Variants in DIPK1A observed in about 807,000 individuals in gnomAD.
DIPK1A encodes the protein divergent protein kinase domain 1A, also known as family with sequence similarity 69 member A.
DIPK1A carries 27 observed loss-of-function variants against 40.8 expected under a neutral mutation model. The ratio of observed to expected loss-of-function variants is 0.66; its 90% CI spans 0.49 to 0.91. DIPK1A has a LOEUF of 0.91. Among genes scored for constraint, DIPK1A ranks in the 40% least tolerant of loss-of-function variants. The pLI, the probability that DIPK1A is intolerant of heterozygous loss-of-function variation, is 0.00. For synonymous variants in DIPK1A, 166 were observed against 171.3 expected, an observed-to-expected ratio of 0.97 and a Z score of 0.24; for missense variants, 412 against 505.7, an observed-to-expected ratio of 0.81 and a Z score of 1.78.
At chr1:92,841,956 T>TTA (rs1571041199), downstream of DIPK1A, 1 of 1,063,488 alleles carries the variant, frequency 9.4e-7, no homozygotes, top group Non-Finnish European at 1.4e-6. Context: ...CTTATGAACC[T>TTA]TATAGGAAAT....
At chr1:92,959,902 ACTTTTTTTTTT>A (rs1224268324) in intron 1 of DIPK1A, among the ~76,000 whole-genome samples, 3 of 43,104 alleles carry the variant, frequency 7.0e-5, no homozygotes, top group Admixed American at 5.3e-4. Context: ...CACCCAACCA[ACTTTTTTTTTT>A]TTTTTTTTTT....
intron 1 of DIPK1A, among the ~76,000 whole-genome samples, chr1:92,907,872 T>A (rs1649684277): frequency 1.3e-5 from 2 of 151,822 alleles, no homozygotes; most frequent in South Asian, 4.2e-4. Context: ...ATTTTAAAAA[T>A]ATATATTTTT....
At chr1:92,957,173 C>G (rs578085220) in intron 1 of DIPK1A, among the ~76,000 whole-genome samples, 1 of 152,254 alleles carries the variant, frequency 6.6e-6, no homozygotes, top group Admixed American at 6.5e-5. Flanking sequence ...TATGAGTAAA[C>G]CCTAAACAAA....
intron 1 of DIPK1A, among the ~76,000 whole-genome samples, chr1:92,898,734 T>A (rs1320207905): frequency 2.0e-5 from 3 of 152,056 alleles, no homozygotes; most frequent in Admixed American, 2.0e-4. Context: ...CCTTCTGCCT[T>A]GACTTCCCAA....
chr1:92,954,380 TTTTTTTTTTTG>T (rs974759727), intron 1 of DIPK1A, among the ~76,000 whole-genome samples: 1 of 9,054 alleles, frequency 1.1e-4, no homozygotes, highest in Admixed American at 1.2e-3. Context: ...CTTTTTTTTT[TTTTTTTTTTTG>T]TTTTGAGACA....
intron 1 of DIPK1A, among the ~76,000 whole-genome samples, chr1:92,941,361 T>C (rs1170721176): frequency 1.3e-5 from 2 of 152,366 alleles, no homozygotes; most frequent in Middle Eastern, 3.4e-3. Context: ...TTTTGAGTTA[T>C]GTGACAAAAA....
chr1:92,961,300 G>T, intron 1 of DIPK1A, 76 bp downstream of exon 1: 1 of 1,148,468 alleles, frequency 8.7e-7, no homozygotes, highest in Non-Finnish European at 1.2e-6. Flanking sequence ...GAGGGGAGCG[G>T]GCGAGTCCTG....
chr1:92,936,071 G>A (rs1650933685), intron 1 of DIPK1A, among the ~76,000 whole-genome samples: 1 of 151,574 alleles, frequency 6.6e-6, no homozygotes, highest in Admixed American at 6.6e-5. Flanking sequence ...GGGCGACAGA[G>A]AGAGACTTCA....
chr1:92,918,756 G>A (rs781023545), intron 1 of DIPK1A, among the ~76,000 whole-genome samples: 7 of 152,146 alleles, frequency 4.6e-5, no homozygotes, highest in Non-Finnish European at 5.9e-5. Flanking sequence ...CGTGGAAGAC[G>A]GTTTTGCAAC....
At chr1:92,833,547 G>C in intron 4 of DIPK1A, 1 of 1,613,438 alleles carries the variant, frequency 6.2e-7, no homozygotes, top group Non-Finnish European at 8.5e-7. Flanking sequence ...TCTTTCAGAG[G>C]GTAAAACTGA....
chr1:92,899,459 T>C (rs1649319291), intron 1 of DIPK1A, among the ~76,000 whole-genome samples: 1 of 152,330 alleles, frequency 6.6e-6, no homozygotes, highest in South Asian at 2.1e-4. Context: ...AGTGAGTTTC[T>C]TGTAGGCAGC....
intron 1 of DIPK1A, among the ~76,000 whole-genome samples, chr1:92,921,604 A>T (rs1650271670): frequency 6.6e-6 from 1 of 152,200 alleles, no homozygotes; most frequent in Non-Finnish European, 1.5e-5. Context: ...ACTGTGCGTC[A>T]GTCTTGGGCA....
chr1:92,847,130 T>C, intron 4 of DIPK1A, 53 bp downstream of exon 4: 1 of 1,187,654 alleles, frequency 8.4e-7, no homozygotes, highest in South Asian at 2.0e-5. Flanking sequence ...GTCCTGCCAA[T>C]TCCTCTAAAG....
At chr1:92,901,320 G>A (rs191027505) in intron 1 of DIPK1A, among the ~76,000 whole-genome samples, 4 of 152,080 alleles carry the variant, frequency 2.6e-5, no homozygotes, top group African/African-American at 4.8e-5. Context: ...CAGAGCAGCT[G>A]TGAGGCCAGG....
rs1299943831 is a variant in DIPK1A, at chr1:92,905,400, C to T, written c.55-28970G>A. Among the ~76,000 whole-genome samples the T allele has an allele frequency of 2.0e-5, 3 of 152,126 alleles. No individual in the cohort carries two copies. In the East Asian group the frequency reaches 5.8e-4, roughly 29 times the overall value. ...TGATCAGCAATGTTAAGTACCTTTT[C>T]ATATACCTGATTGCCATTTGTATGT... On this transcript the variant is annotated intron_variant, in intron 1 of 4. Coordinates refer to ENST00000370310, the MANE Select transcript of DIPK1A (RefSeq NM_001006605.5).
At chr1:92,880,345 C>G (rs558051042) in intron 1 of DIPK1A, among the ~76,000 whole-genome samples, 2 of 152,132 alleles carry the variant, frequency 1.3e-5, no homozygotes, top group African/African-American at 4.8e-5. Flanking sequence ...ATAACAGAAG[C>G]AGTTATCACT....
chr1:92,884,338 A>C (rs369420994), intron 1 of DIPK1A, among the ~76,000 whole-genome samples: 1 of 152,150 alleles, frequency 6.6e-6, no homozygotes, highest in African/African-American at 2.4e-5. Flanking sequence ...CTGTGATCCC[A>C]GCTACACAGG....
At chr1:92,855,618 C>A (rs961476828) in intron 2 of DIPK1A, among the ~76,000 whole-genome samples, 1 of 151,368 alleles carries the variant, frequency 6.6e-6, no homozygotes, top group African/African-American at 2.4e-5. Flanking sequence ...GAAGGAGGAT[C>A]CCTTGAACCC....
In DIPK1A at chr1:92,876,411, C is replaced by T. The variant is rs780428209; in HGVS notation, c.74G>A (p.Arg25Gln). The T allele has an allele frequency of 2.5e-5, 41 of 1,612,942 alleles. No homozygotes were observed. Among genetic ancestry groups the T allele is most frequent in the East Asian group, 2.5e-4 (11 of 44,802 alleles). Residue 25 changes from arginine (R) to glutamine (Q), a missense_variant, in exon 2 of 5, where the codon CGG becomes CAG. Coordinates refer to ENST00000370310, the MANE Select transcript of DIPK1A (RefSeq NM_001006605.5). Reference sequence around the variant, plus strand: ...CCAGGAAAAGAAAAGATATTTCATCCGCACATATGAGAAGCGAGCCTGTGA... The same window carrying T: ...CCAGGAAAAGAAAAGATATTTCATCTGCACATATGAGAAGCGAGCCTGTGA... The part of the protein sequence containing the change: ...YYLQARFSYV[R>Q]MKYLFFSWLV...
Sources: allele counts gnomAD v4.1 joint callset (sites outside exome capture counted in the v4.1 genomes callset), GRCh38; gene constraint gnomAD v4.1.1; transcripts MANE v1.5; gene names NCBI Gene and HGNC (gene_info 2026-07-23, HGNC 2026-07-21).